CNTN1: variants seen among roughly 807,000 people sequenced by gnomAD.
CNTN1 encodes contactin-1.
Under a neutral mutation model 126.4 loss-of-function variants are expected in CNTN1, and 38 were observed. The ratio of observed to expected loss-of-function variants is 0.30; its 90% CI spans 0.23 to 0.39. The LOEUF (loss-of-function observed/expected upper bound fraction) is 0.39, where lower values mean the gene tolerates loss of function less well. Among genes scored for constraint, CNTN1 ranks in the 10% least tolerant of loss-of-function variants. CNTN1 has a pLI of 1.00. For synonymous variants in CNTN1, 413 were observed against 422.6 expected, an observed-to-expected ratio of 0.98 and a Z score of 0.28; for missense variants, 1,009 against 1,248.4, an observed-to-expected ratio of 0.81 and a Z score of 2.89.
At chr12:40,971,979 C>T in intron 15 of CNTN1, 3 of 1,001,072 alleles carry the variant, frequency 3.0e-6, no homozygotes, top group Non-Finnish European at 3.6e-6. Flanking sequence ...AGGGGCATTA[C>T]TCCGGCAGTC....
rs376890343 is a variant in CNTN1 at position 40,742,748 on chromosome 12, A to G, written c.-77+50156A>G. On this transcript the variant is annotated intron_variant, in intron 1 of 23. Coordinates refer to ENST00000551295, the MANE Select transcript of CNTN1 (RefSeq NM_001843.4). ...AATTCTCTTATAAGGCCTTATAAGC[A>G]ATCAGTTTTCAGTCCTTAAAAAGTG... 2.0e-5 allele frequency among the ~76,000 whole-genome samples: 3 copies of G among 152,000 alleles called. No individual in the cohort carries two copies. The East Asian group carries it at 5.8e-4, about 29-fold the overall frequency.
chr12:40,726,456 A>G lies in CNTN1; in HGVS notation c.-77+33864A>G, dbSNP rs574734319. 1.4e-4 allele frequency among the ~76,000 whole-genome samples: 22 copies of G among 152,290 alleles called. No homozygotes were observed. The South Asian group carries it at 4.3e-3, about 30-fold the overall frequency. The stretch of plus-strand genomic sequence containing the variant: ...CAAAGGAGAAGCAGGCACCTTCTTC[A>G]CAGGGTGGCAGGATGGACTGAGTGC... On this transcript the variant is annotated intron_variant, in intron 1 of 23. Transcript: ENST00000551295.
intron 15 of CNTN1, among the ~76,000 whole-genome samples, chr12:40,959,811 G>T (rs534448690): frequency 3.9e-5 from 6 of 152,016 alleles, no homozygotes; most frequent in Admixed American, 6.6e-5. Flanking sequence ...AGTGAGGCTG[G>T]CTGGGAACAC....
chr12:40,808,380 C>T (rs184931765), intron 1 of CNTN1, among the ~76,000 whole-genome samples: 3 of 152,080 alleles, frequency 2.0e-5, no homozygotes, highest in South Asian at 4.1e-4. Context: ...TAAATATTTC[C>T]ACCATGGTTG....
intron 23 of CNTN1, among the ~76,000 whole-genome samples, chr12:41,051,216 C>T (rs1387533754): frequency 7.1e-6 from 1 of 141,262 alleles, no homozygotes; most frequent in Non-Finnish European, 1.5e-5. Flanking sequence ...GGTGAGATCT[C>T]GGCTCACTGC....
intron 1 of CNTN1, among the ~76,000 whole-genome samples, chr12:40,899,830 A>G (rs1486203962): frequency 6.6e-6 from 1 of 152,214 alleles, no homozygotes; most frequent in African/African-American, 2.4e-5. Context: ...CTTGGACCAC[A>G]GTTTGGGAAA....
At chr12:40,992,107 A>C (rs1948109007) in intron 16 of CNTN1, among the ~76,000 whole-genome samples, 1 of 152,210 alleles carries the variant, frequency 6.6e-6, no homozygotes, top group South Asian at 2.1e-4. Flanking sequence ...AAAGTCAAAA[A>C]TATATGTCAA....
Position 41,032,024 on chromosome 12 carries a change from A to G in CNTN1, c.2980+2805A>G, listed in dbSNP as rs866684443. Among the ~76,000 whole-genome samples the G allele has an allele frequency of 1.1e-4, 17 of 152,300 alleles. No individual in the cohort carries two copies. In the Middle Eastern group the frequency reaches 0.014, roughly 122 times the overall value. On this transcript the variant is annotated intron_variant, in intron 23 of 23. Coordinates refer to ENST00000551295, the MANE Select transcript of CNTN1 (RefSeq NM_001843.4). Reference sequence around the variant, plus strand: ...CTAGATCTTAATGTTTATAAGCATTATGCTGTTTGTTCATTCATTCATTCA... The same window carrying G: ...CTAGATCTTAATGTTTATAAGCATTGTGCTGTTTGTTCATTCATTCATTCA...
intron 1 of CNTN1, among the ~76,000 whole-genome samples, chr12:40,751,645 G>T (rs2136398721): frequency 6.6e-6 from 1 of 152,094 alleles, no homozygotes; most frequent in Admixed American, 6.6e-5. Flanking sequence ...CATGAACAAG[G>T]ATTTTGTAAA....
At chr12:40,769,350 C>T (rs935096255) in intron 1 of CNTN1, among the ~76,000 whole-genome samples, 1 of 152,010 alleles carries the variant, frequency 6.6e-6, no homozygotes, top group African/African-American at 2.4e-5. Flanking sequence ...TTCTGATAAA[C>T]ATGATGTTAA....
chr12:40,971,967 A>G (rs1947528948), intron 15 of CNTN1: 2 of 1,005,520 alleles, frequency 2.0e-6, no homozygotes, highest in South Asian at 4.3e-5. Context: ...ACATAAGCTA[A>G]AAGGGGCATT....
At chr12:40,834,435 G>T (rs1212621409) in intron 1 of CNTN1, among the ~76,000 whole-genome samples, 1 of 152,172 alleles carries the variant, frequency 6.6e-6, no homozygotes, top group African/African-American at 2.4e-5. Flanking sequence ...GGTTAGAAAA[G>T]ATACTAGTCA....
chr12:40,820,439 C>T (rs182826059), intron 1 of CNTN1, among the ~76,000 whole-genome samples: 1 of 152,232 alleles, frequency 6.6e-6, no homozygotes, highest in Non-Finnish European at 1.5e-5. Context: ...AGTCAGAGTC[C>T]AGAATACAGT....
At chr12:40,917,740 C>T (rs1239190952) in intron 3 of CNTN1, among the ~76,000 whole-genome samples, 3 of 152,038 alleles carry the variant, frequency 2.0e-5, no homozygotes, top group African/African-American at 2.4e-5. Flanking sequence ...TAAATGCTGC[C>T]GCAGTGGTGG....
At chr12:41,019,696 A>G (rs537026843) in intron 19 of CNTN1, among the ~76,000 whole-genome samples, 2 of 152,282 alleles carry the variant, frequency 1.3e-5, no homozygotes, top group Admixed American at 1.3e-4. Flanking sequence ...GGAAGATTAG[A>G]CATATAAAAG....
intron 23 of CNTN1, among the ~76,000 whole-genome samples, chr12:41,061,340 G>A (rs56117569): frequency 2.5e-4 from 38 of 152,274 alleles, no homozygotes; most frequent in Middle Eastern, 3.4e-3. Context: ...GCATCCTGGT[G>A]ATCTGGTGTT....
intron 15 of CNTN1, among the ~76,000 whole-genome samples, chr12:40,977,662 A>G (rs1175983915): frequency 6.6e-5 from 10 of 152,206 alleles, no homozygotes; most frequent in Non-Finnish European, 1.0e-4. Flanking sequence ...AGAAGTAATG[A>G]CAATAATAAT....
chr12:40,859,703 T>C (rs142526088), intron 1 of CNTN1, among the ~76,000 whole-genome samples: 1 of 152,102 alleles, frequency 6.6e-6, no homozygotes, highest in African/African-American at 2.4e-5. Flanking sequence ...GGCAAGAATT[T>C]TGAGATCTTA....
chr12:40,946,167 C>A (rs776073589), intron 14 of CNTN1, among the ~76,000 whole-genome samples: 14 of 152,098 alleles, frequency 9.2e-5, no homozygotes, highest in Non-Finnish European at 1.9e-4. Flanking sequence ...TGGCACCTTC[C>A]TTCTCTTTTA....
Sources: allele counts gnomAD v4.1 joint callset (sites outside exome capture counted in the v4.1 genomes callset), GRCh38; gene constraint gnomAD v4.1.1; transcripts MANE v1.5; gene names NCBI Gene and HGNC (gene_info 2026-07-23, HGNC 2026-07-21).